The following NKAIN3 variants were observed in gnomAD, a reference collection of about 807,000 sequenced individuals.
NKAIN3 encodes sodium/potassium transporting ATPase interacting 3.
NKAIN3 carries 25 observed loss-of-function variants against 30.2 expected under a neutral mutation model. That is an observed-to-expected ratio of 0.83 (90% CI 0.60 to 1.16). NKAIN3 has a LOEUF of 1.16. Ranked by LOEUF, NKAIN3 falls within the 50% of genes most tolerant of loss-of-function variation. The pLI is 0.00. For synonymous variants in NKAIN3, 91 were observed against 89.6 expected (o/e 1.02, Z -0.09); for missense variants, 225 against 254.1 (o/e 0.89, Z 0.78).
At chr8:62,877,336 A>G (rs1298976270) in intron 4 of NKAIN3, among the ~76,000 whole-genome samples, 1 of 152,232 alleles carries the variant, frequency 6.6e-6, no homozygotes, top group Non-Finnish European at 1.5e-5. Context: ...GGGGCAGCCC[A>G]ATTAGGCGGC....
At chr8:62,443,881 T>C (rs562631027) in intron 1 of NKAIN3, among the ~76,000 whole-genome samples, 65 of 152,210 alleles carry the variant, frequency 4.3e-4, no homozygotes, top group Non-Finnish European at 9.1e-4. Flanking sequence ...TTGTAAACTA[T>C]GCTCCAAGCA....
At chr8:62,603,294 C>A (rs149808436) in intron 3 of NKAIN3, among the ~76,000 whole-genome samples, 41 of 152,080 alleles carry the variant, frequency 2.7e-4, no homozygotes, top group African/African-American at 9.9e-4. Context: ...CTGATAAACA[C>A]GTTTTGTGAC....
intron 1 of NKAIN3, among the ~76,000 whole-genome samples, chr8:62,405,836 C>T (rs944408999): frequency 6.6e-6 from 1 of 152,182 alleles, no homozygotes; most frequent in African/African-American, 2.4e-5. Flanking sequence ...CCTTGCTCTG[C>T]CTCGACATTC....
intron 4 of NKAIN3, chr8:62,863,114 C>T: frequency 7.3e-7 from 1 of 1,372,618 alleles, no homozygotes; most frequent in Non-Finnish European, 1.0e-6. Flanking sequence ...CCATCCTGCT[C>T]ATTGGAAGGT....
chr8:62,299,165 A>G (rs1813949532), intron 1 of NKAIN3, among the ~76,000 whole-genome samples: 1 of 151,768 alleles, frequency 6.6e-6, no homozygotes, highest in Non-Finnish European at 1.5e-5. Context: ...TTGTAAACAG[A>G]AAAAAAAATT....
At chr8:62,576,028 A>G (rs949224372) in intron 1 of NKAIN3, among the ~76,000 whole-genome samples, 1 of 152,084 alleles carries the variant, frequency 6.6e-6, no homozygotes, top group African/African-American at 2.4e-5. Context: ...AGACAACACT[A>G]GGGAAACTCT....
At chr8:62,801,366 C>G (rs925855145) in intron 4 of NKAIN3, among the ~76,000 whole-genome samples, 5 of 152,164 alleles carry the variant, frequency 3.3e-5, no homozygotes, top group Admixed American at 1.3e-4. Context: ...GGGAGGCACC[C>G]CCCGATAGGG....
At chr8:62,456,792 C>T (rs1051813711) in intron 1 of NKAIN3, among the ~76,000 whole-genome samples, 4 of 152,210 alleles carry the variant, frequency 2.6e-5, no homozygotes, top group Non-Finnish European at 4.4e-5. Context: ...GCAATCTTAA[C>T]CAAATTTTAA....
chr8:62,431,276 A>C (rs2129597481), intron 1 of NKAIN3, among the ~76,000 whole-genome samples: 1 of 152,034 alleles, frequency 6.6e-6, no homozygotes, highest in South Asian at 2.1e-4. Flanking sequence ...AATTCTCTAA[A>C]TGTATTTAAC....
chr8:62,932,158 T>TA (rs1563633760), intron 5 of NKAIN3, among the ~76,000 whole-genome samples: 2 of 152,180 alleles, frequency 1.3e-5, no homozygotes, highest in South Asian at 2.1e-4. Context: ...ATTGTCCTAA[T>TA]AAACAAAACA....
intron 1 of NKAIN3, among the ~76,000 whole-genome samples, chr8:62,352,498 G>T (rs1260926285): frequency 6.6e-6 from 1 of 152,122 alleles, no homozygotes; most frequent in Non-Finnish European, 1.5e-5. Context: ...ATAAAAACAT[G>T]CACAGACAAG....
chr8:62,927,157 G>A (rs188906334), intron 5 of NKAIN3, among the ~76,000 whole-genome samples: 55 of 152,170 alleles, frequency 3.6e-4, no homozygotes, highest in African/African-American at 1.3e-3. Flanking sequence ...AAGTGGCCGA[G>A]ACTGACAGCA....
Position 62,980,216 on chromosome 8 carries a change from A to T in NKAIN3, c.*14809A>T, listed in dbSNP as rs561872872. On this transcript the variant is annotated 3_prime_UTR_variant, in exon 7 of 7. Transcript: ENST00000623646. The stretch of plus-strand genomic sequence containing the variant: ...TGCTGGGTGTCAGTCTCTTCTAAAA[A>T]TTTTGTTCCTAAGGAATTGATTTTG... 470 of 152,282 alleles carry T rather than the reference A, an allele frequency of 3.1e-3. 6 individuals carry two copies. Among genetic ancestry groups the T allele is most frequent in the African/African-American group, 0.01 (436 of 41,568 alleles). The allele number at this position is 152,282 out of a possible 1,614,324, so 9.4% of individuals were successfully genotyped here. A position where few individuals can be genotyped will look rare whatever the true frequency, so the allele number is the denominator to read the frequency against.
chr8:62,648,125 G>T (rs1049290453), intron 3 of NKAIN3, among the ~76,000 whole-genome samples: 11 of 152,136 alleles, frequency 7.2e-5, no homozygotes, highest in African/African-American at 2.7e-4. Context: ...AGGGCAGTTT[G>T]AGATTAACAG....
chr8:62,789,992 T>A (rs908823977), intron 4 of NKAIN3, among the ~76,000 whole-genome samples: 11 of 152,100 alleles, frequency 7.2e-5, no homozygotes, highest in Non-Finnish European at 8.8e-5. Context: ...TACCAAAGCC[T>A]GGCAGAGACA....
intron 1 of NKAIN3, among the ~76,000 whole-genome samples, chr8:62,462,453 G>C (rs973785719): frequency 1.3e-5 from 2 of 152,178 alleles, no homozygotes; most frequent in East Asian, 3.9e-4. Context: ...GACTGACACT[G>C]AACTTTTTAC....
At chr8:62,316,233 G>A (rs1814621567) in intron 1 of NKAIN3, among the ~76,000 whole-genome samples, 1 of 152,066 alleles carries the variant, frequency 6.6e-6, no homozygotes, top group Non-Finnish European at 1.5e-5. Flanking sequence ...TTGGCAGCAT[G>A]AAAACGGACT....
chr8:62,491,257 A>C (rs189436990), intron 1 of NKAIN3, among the ~76,000 whole-genome samples: 4 of 152,170 alleles, frequency 2.6e-5, no homozygotes, highest in Admixed American at 2.0e-4. Context: ...TTTTCTCTAC[A>C]TCATTATTAG....
At chr8:62,799,163 G>C (rs993741144) in intron 4 of NKAIN3, among the ~76,000 whole-genome samples, 13 of 152,290 alleles carry the variant, frequency 8.5e-5, no homozygotes, top group African/African-American at 2.6e-4. Context: ...AGTGAGGAGG[G>C]ATGCATAAAC....
Sources: gnomAD v4.1 joint callset for allele counts (sites outside exome capture counted in the v4.1 genomes callset) on GRCh38, gnomAD v4.1.1 for gene constraint, MANE v1.5 for transcripts, NCBI Gene and HGNC (gene_info 2026-07-23, HGNC 2026-07-21) for gene names.